CNTN5: variants seen among roughly 807,000 people sequenced by gnomAD.
CNTN5 encodes the protein contactin-5.
In CNTN5, 77 loss-of-function variants were observed where a neutral mutation model predicts 129.1. The ratio of observed to expected loss-of-function variants is 0.60; its 90% CI spans 0.50 to 0.72. The LOEUF (loss-of-function observed/expected upper bound fraction) is 0.72, where lower values mean the gene tolerates loss of function less well. Ranked by LOEUF, CNTN5 falls within the 30% of genes least tolerant of loss-of-function variation. The pLI is 0.00. For synonymous variants in CNTN5, 509 were observed against 465.6 expected, an observed-to-expected ratio of 1.09 and a Z score of -1.20; for missense variants, 1,478 against 1,328.8, an observed-to-expected ratio of 1.11 and a Z score of -1.75.
intron 3 of CNTN5, among the ~76,000 whole-genome samples, chr11:99,641,658 A>G (rs920008356): frequency 9.9e-5 from 15 of 152,106 alleles, no homozygotes; most frequent in African/African-American, 2.9e-4. Flanking sequence ...AGTCAGTGCC[A>G]TTATTGTCAA....
At chr11:100,220,893 G>C (rs1173951092) in intron 15 of CNTN5, among the ~76,000 whole-genome samples, 1 of 152,196 alleles carries the variant, frequency 6.6e-6, no homozygotes, top group East Asian at 1.9e-4. Flanking sequence ...GAGAGGAAAA[G>C]GGGCAGCAGG....
chr11:100,318,930 G>A (rs570164795), intron 21 of CNTN5, among the ~76,000 whole-genome samples: 19 of 152,228 alleles, frequency 1.2e-4, no homozygotes, highest in African/African-American at 4.6e-4. Context: ...AAAGGGCAAG[G>A]CTTTTTTCTT....
chr11:100,130,927 A>C (rs188154552), intron 13 of CNTN5, among the ~76,000 whole-genome samples: 8 of 152,226 alleles, frequency 5.3e-5, no homozygotes, highest in Admixed American at 4.6e-4. Context: ...ATTTTCAAGG[A>C]AATACCAATA....
At chr11:99,331,003 T>C (rs1865977493) in intron 2 of CNTN5, among the ~76,000 whole-genome samples, 1 of 151,888 alleles carries the variant, frequency 6.6e-6, no homozygotes. Flanking sequence ...CAAATATATA[T>C]ATGCAAAAGC....
At chr11:99,118,499 C>T (rs966659348) in intron 1 of CNTN5, among the ~76,000 whole-genome samples, 4 of 151,786 alleles carry the variant, frequency 2.6e-5, no homozygotes, top group Non-Finnish European at 4.4e-5. Context: ...GTTGTGCTTC[C>T]ATTGGTTTAT....
At chr11:100,199,707 C>CT (rs200595425) in intron 15 of CNTN5, among the ~76,000 whole-genome samples, 2 of 151,600 alleles carry the variant, frequency 1.3e-5, no homozygotes, top group Middle Eastern at 3.2e-3. Flanking sequence ...GAATGTCCAT[C>CT]TTTTTTTTGG....
At chr11:99,596,694 G>T (rs1950137446) in intron 3 of CNTN5, among the ~76,000 whole-genome samples, 2 of 152,270 alleles carry the variant, frequency 1.3e-5, no homozygotes, top group South Asian at 4.1e-4. Context: ...TGAATTATTT[G>T]TGTTGGCAGA....
At chr11:99,536,818 C>A (rs1947917347) in intron 2 of CNTN5, among the ~76,000 whole-genome samples, 1 of 144,676 alleles carries the variant, frequency 6.9e-6, no homozygotes, top group African/African-American at 2.6e-5. Context: ...CAAAAAGAAG[C>A]CAGATATGTA....
chr11:100,350,674 A>C lies in CNTN5; in HGVS notation c.3031-28A>C, dbSNP rs758750813. ...TGTGCATTTGTAATCTTTCATATCA[A>C]ATGTCTAAACCTTGTTATTACTCTC... On this transcript the variant is annotated intron_variant, in intron 23 of 24. Transcript: ENST00000524871. 5 of 1,554,298 alleles carry C rather than the reference A, an allele frequency of 3.2e-6. No homozygotes were observed. The South Asian group carries it at 4.7e-5, about 15-fold the overall frequency.
At position 99,961,206 on chromosome 11, in the gene CNTN5, G is replaced by GAGAAAAAAAAAA. The variant is rs1555167359; in HGVS notation, c.877+4198_877+4199insGAAAAAAAAAAA. Reference sequence around the variant, plus strand: ...GGCCATAGAGTGAGACTCCGTCTCAGAAAAAAAAAAAAAAAAAAACAGTAG... The same window carrying GAGAAAAAAAAAA: ...GGCCATAGAGTGAGACTCCGTCTCAGAGAAAAAAAAAAAAAAAAAAAAAAAAAAAAACAGTAG... On this transcript the variant is annotated intron_variant, in intron 8 of 24. Coordinates refer to ENST00000524871, the MANE Select transcript of CNTN5 (RefSeq NM_014361.4). Among the ~76,000 whole-genome samples the GAGAAAAAAAAAA allele has an allele frequency of 4.2e-5, 4 of 95,720 alleles. 1 individual carries two copies. Among genetic ancestry groups the GAGAAAAAAAAAA allele is most frequent in the Non-Finnish European group, 2.0e-5 (1 of 49,570 alleles). The allele number at this position is 95,720 out of a possible 152,430, so 62.8% of individuals were successfully genotyped here.
chr11:99,564,256 ATTTTTAT>A (rs1397367844), intron 3 of CNTN5, among the ~76,000 whole-genome samples: 1 of 151,846 alleles, frequency 6.6e-6, no homozygotes, highest in Non-Finnish European at 1.5e-5. Flanking sequence ...TAATTTTTTT[ATTTTTAT>A]TTTTTATTTT....
At chr11:99,909,615 T>C (rs1591402551) in intron 6 of CNTN5, among the ~76,000 whole-genome samples, 2 of 152,136 alleles carry the variant, frequency 1.3e-5, no homozygotes, top group African/African-American at 4.8e-5. Context: ...ATATAAACCA[T>C]GGAATACTAT....
At chr11:99,306,051 G>T (rs76311315) in intron 1 of CNTN5, among the ~76,000 whole-genome samples, 1 of 151,888 alleles carries the variant, frequency 6.6e-6, no homozygotes, top group Non-Finnish European at 1.5e-5. Context: ...ATACATTGAA[G>T]AACTAAAATT....
intron 1 of CNTN5, among the ~76,000 whole-genome samples, chr11:99,165,741 T>G (rs1346018778): frequency 6.6e-6 from 1 of 152,162 alleles, no homozygotes; most frequent in Non-Finnish European, 1.5e-5. Flanking sequence ...GTTGGTTTCC[T>G]TCTCAGGTCA....
intron 13 of CNTN5, among the ~76,000 whole-genome samples, chr11:100,120,731 T>C (rs138117078): frequency 0.021 from 3,151 of 152,092 alleles, 107 homozygotes; most frequent in African/African-American, 0.071. Context: ...TTACACCATT[T>C]TTGATAAATA....
chr11:99,107,407 ATC>A (rs1247467509), intron 1 of CNTN5, among the ~76,000 whole-genome samples: 1 of 152,172 alleles, frequency 6.6e-6, no homozygotes, highest in African/African-American at 2.4e-5. Flanking sequence ...TGTATGGAGT[ATC>A]TCTATGTTCT....
chr11:100,299,383 T>C lies in CNTN5; in HGVS notation c.2607T>C (p.Cys869=), dbSNP rs769483311. The C allele has an allele frequency of 6.2e-7, 1 of 1,603,748 alleles. No individual in the cohort carries two copies. Among genetic ancestry groups the C allele is most frequent in the Non-Finnish European group, 8.5e-7 (1 of 1,173,520 alleles). Residue 869 remains cysteine, a synonymous_variant, in exon 20 of 25, where the codon TGT becomes TGC. Transcript: ENST00000524871. ...CTTTTAGTCAAATTGTGGTCATCTG[T>C]TCAGCTGAAGGAGGTCAGTTTTTTT... The part of the protein sequence containing the change: ...DGPFSQIVVI[C]SAEGEPSAAP...
intron 13 of CNTN5, among the ~76,000 whole-genome samples, chr11:100,177,086 A>T (rs568158604): frequency 3.9e-5 from 6 of 152,074 alleles, no homozygotes; most frequent in Non-Finnish European, 8.8e-5. Context: ...TTGTAATTTT[A>T]GAAATTAAAT....
chr11:99,085,837 C>CCT (rs1865983800), intron 1 of CNTN5, among the ~76,000 whole-genome samples: 2 of 152,168 alleles, frequency 1.3e-5, no homozygotes, highest in South Asian at 4.1e-4. Flanking sequence ...AAATTCCCCC[C>CCT]TCCTAGTGAC....
Sources: allele counts gnomAD v4.1 joint callset (sites outside exome capture counted in the v4.1 genomes callset), GRCh38; gene constraint gnomAD v4.1.1; transcripts MANE v1.5; gene names NCBI Gene and HGNC (gene_info 2026-07-23, HGNC 2026-07-21).